WWC1: variants seen among roughly 807,000 people sequenced by gnomAD.
WWC1 encodes the protein protein KIBRA.
In WWC1, 55 loss-of-function variants were observed where a neutral mutation model predicts 138.4. The observed-to-expected ratio is 0.40, with a 90% confidence interval of 0.32 to 0.50. The LOEUF is 0.50. Among genes scored for constraint, WWC1 ranks in the 20% least tolerant of loss-of-function variants. The pLI is 0.72. For synonymous variants in WWC1, 524 were observed against 564.9 expected (o/e 0.93, Z 1.03); for missense variants, 1,226 against 1,420.4 (o/e 0.86, Z 2.20).
intron 10 of WWC1, 64 bp from the exon 11 acceptor site, chr5:168,423,469 G>A (rs1256111722): frequency 6.6e-7 from 1 of 1,523,604 alleles, no homozygotes; most frequent in African/African-American, 1.4e-5. Flanking sequence ...GAGCTCAGCA[G>A]AAGGTCTCAG....
chr5:168,337,988 G>A (rs1486484092), intron 1 of WWC1, among the ~76,000 whole-genome samples: 1 of 152,148 alleles, frequency 6.6e-6, no homozygotes, highest in Non-Finnish European at 1.5e-5. Flanking sequence ...AGGCTGGAGG[G>A]CTGGGCAAGA....
At chr5:168,428,647 TC>T in intron 12 of WWC1, 59 bp from the exon 13 acceptor site, 1 of 1,551,254 alleles carries the variant, frequency 6.4e-7, no homozygotes. Context: ...AACCTCAGCC[TC>T]CCAGAATAGT....
At chr5:168,431,163 G>T in intron 14 of WWC1, 89 bp from the exon 15 acceptor site, 1 of 1,196,880 alleles carries the variant, frequency 8.4e-7, no homozygotes, top group Admixed American at 2.1e-5. Context: ...ACTGTTGTTT[G>T]CTTAGGGATT....
chr5:168,366,428 G>A (rs1776295330), intron 1 of WWC1, among the ~76,000 whole-genome samples: 1 of 152,156 alleles, frequency 6.6e-6, no homozygotes, highest in Non-Finnish European at 1.5e-5. Context: ...CATTTCCCCT[G>A]TGATCGCATC....
In WWC1 at chr5:168,292,004, G is replaced by A; in HGVS notation, c.-149G>A. ...CATGGACAGCGGCGCCACCCCGGCC[G>A]GCCCCTACTAGGGCCCCCCATCTGC... On this transcript the variant is annotated 5_prime_UTR_variant, in exon 1 of 23. Coordinates refer to ENST00000265293, the MANE Select transcript of WWC1 (RefSeq NM_015238.3). The surrounding 1 kb of genome is among the most constrained non-coding windows in gnomAD (Gnocchi z 4.4). The A allele has an allele frequency of 1.1e-6, 1 of 886,504 alleles. No individual in the cohort carries two copies. The highest frequency in any genetic ancestry group is 1.5e-6 in the Non-Finnish European group (1 of 653,072). The allele number at this position is 886,504 out of a possible 1,614,324, so 54.9% of individuals were successfully genotyped here.
chr5:168,352,609 A>C (rs1461018491), intron 1 of WWC1, among the ~76,000 whole-genome samples: 3 of 147,302 alleles, frequency 2.0e-5, no homozygotes, highest in Non-Finnish European at 4.5e-5. Flanking sequence ...TTTGAGATGG[A>C]GTCTTACTCT....
chr5:168,457,479 C>T (rs966856269), intron 19 of WWC1, among the ~76,000 whole-genome samples: 1 of 152,170 alleles, frequency 6.6e-6, no homozygotes, highest in Non-Finnish European at 1.5e-5. Context: ...CAGTCTGTAA[C>T]TGATAGCATT....
chr5:168,423,742 C>T lies in WWC1; in HGVS notation c.1484C>T (p.Ser495Leu), dbSNP rs776929995. 14 of 1,613,886 alleles carry T rather than the reference C, an allele frequency of 8.7e-6. No individual in the cohort carries two copies. In the African/African-American group the frequency reaches 1.3e-4, roughly 15 times the overall value. ...GAGGGGGCCACCGGCTTCCGGCCCT[C>T]AGGCTGCATCACCACCATCCACGAG... ...LLEGATGFRPSGCITTIHEDE... is the reference protein window; with the variant it reads ...LLEGATGFRPLGCITTIHEDE... The change falls in exon 11 of 23, where the codon TCA (serine) becomes TTA (leucine). Residue 495 changes from serine to leucine, a missense_variant. Physicochemically the swap from Ser to Leu is moderately radical, Grantham distance 145 (BLOSUM62 -2). Transcript: ENST00000265293.
intron 2 of WWC1, among the ~76,000 whole-genome samples, chr5:168,384,078 A>G (rs530129656): frequency 6.6e-6 from 1 of 152,298 alleles, no homozygotes; most frequent in East Asian, 1.9e-4. Flanking sequence ...GCATATTATA[A>G]GTACCTTTCC....
At chr5:168,382,942 G>A (rs556556005) in intron 2 of WWC1, among the ~76,000 whole-genome samples, 17 of 152,272 alleles carry the variant, frequency 1.1e-4, no homozygotes, top group South Asian at 8.3e-4. Context: ...TTGGGAGGCC[G>A]AGGCAGGTAG....
intron 9 of WWC1, among the ~76,000 whole-genome samples, chr5:168,418,683 C>T (rs1161937128): frequency 6.6e-6 from 1 of 152,084 alleles, no homozygotes; most frequent in Non-Finnish European, 1.5e-5. Flanking sequence ...CACTGGGGAC[C>T]CACATTTACT....
intron 1 of WWC1, among the ~76,000 whole-genome samples, chr5:168,360,918 G>C (rs1473002596): frequency 6.6e-6 from 1 of 152,240 alleles, no homozygotes; most frequent in Non-Finnish European, 1.5e-5. Context: ...TGCTGATGAG[G>C]CTTCTAGACA....
intron 2 of WWC1, among the ~76,000 whole-genome samples, chr5:168,375,862 A>G (rs1329719796): frequency 1.3e-5 from 2 of 151,748 alleles, no homozygotes; most frequent in Non-Finnish European, 2.9e-5. Context: ...GACGTGAGCC[A>G]CCATGCCCAG....
chr5:168,307,262 A>T (rs921034261), intron 1 of WWC1, among the ~76,000 whole-genome samples: 2 of 152,224 alleles, frequency 1.3e-5, no homozygotes, highest in African/African-American at 2.4e-5. Context: ...ATGCAAAACC[A>T]GTCTGTCTGC....
intron 1 of WWC1, among the ~76,000 whole-genome samples, chr5:168,307,985 AG>A (rs1770734561): frequency 6.6e-6 from 1 of 152,154 alleles, no homozygotes; most frequent in African/African-American, 2.4e-5. Context: ...AGGCTTCGTG[AG>A]AACCAAGTTT....
Position 168,435,799 on chromosome 5 carries a change from T to G in WWC1, c.2280+4355T>G, listed in dbSNP as rs574659745. Among the ~76,000 whole-genome samples the G allele has an allele frequency of 4.1e-4, 63 of 152,314 alleles. 1 individual carries two copies. In the South Asian group the frequency reaches 0.013, roughly 31 times the overall value. On this transcript the variant is annotated intron_variant, in intron 15 of 22. Transcript: ENST00000265293. ...AGAAAAACTTGAAAGAGGTGTTCCC[T>G]TCCTCTCTGTAACCCAATCCATGTG...
At chr5:168,455,564 G>A (rs755239815) in intron 19 of WWC1, 44 bp downstream of exon 19, 18 of 1,592,514 alleles carry the variant, frequency 1.1e-5, no homozygotes, top group African/African-American at 2.7e-5. Flanking sequence ...CAGGGTAGCC[G>A]AGAGCTTCAC....
chr5:168,397,961 T>C (rs1455297446), intron 4 of WWC1, among the ~76,000 whole-genome samples, 161 bp downstream of exon 4: 4 of 152,154 alleles, frequency 2.6e-5, no homozygotes, highest in African/African-American at 9.7e-5. Context: ...GTCACAGTAA[T>C]AGTAATGGTT....
At chr5:168,357,326 A>T (rs1024231792) in intron 1 of WWC1, among the ~76,000 whole-genome samples, 112 of 145,658 alleles carry the variant, frequency 7.7e-4, no homozygotes, top group African/African-American at 2.8e-3. Flanking sequence ...ACACACACAC[A>T]CACACACTTT....
Sources: gnomAD v4.1 joint callset for allele counts (sites outside exome capture counted in the v4.1 genomes callset) on GRCh38, gnomAD v4.1.1 for gene constraint, Gnocchi (gnomAD v3.1) non-coding constraint, MANE v1.5 for transcripts, NCBI Gene and HGNC (gene_info 2026-07-23, HGNC 2026-07-21) for gene names.